SPAAR: variants seen among roughly 807,000 people sequenced by gnomAD.
The protein encoded by SPAAR is small regulatory polypeptide of amino acid response.
For synonymous variants in SPAAR, 27 were observed against 15.9 expected (o/e 1.70, Z -1.66); for missense variants, 59 against 39.9 (o/e 1.48, Z -1.29).
In SPAAR at chr9:35,910,372, C is replaced by T. The variant is rs770844921; in HGVS notation, c.-92C>T. The stretch of plus-strand genomic sequence containing the variant: ...TCTTAGGAGACGGAAGGAGAGCCGC[C>T]GGAGGAGCACGGGGCACCTGCGATC... On this transcript the variant is annotated 5_prime_UTR_variant, in exon 2 of 2. Coordinates refer to ENST00000443779, the MANE Select transcript of SPAAR (RefSeq NM_001348107.3). 64 of 685,978 alleles carry T rather than the reference C, an allele frequency of 9.3e-5. No individual in the cohort carries two copies. Among genetic ancestry groups the T allele is most frequent in the South Asian group, 8.4e-4 (54 of 64,268 alleles). 42.5% of individuals were successfully genotyped at this position (685,978 alleles called of 1,614,324 possible). A position where few individuals can be genotyped will look rare whatever the true frequency, so the allele number is the denominator to read the frequency against.
Position 35,910,505 on chromosome 9 carries a change from G to A in SPAAR, c.42G>A (p.Val14=). The change falls in exon 2 of 2, where the codon GTG becomes GTA. Residue 14 remains valine, a synonymous_variant. Transcript: ENST00000443779. Reference sequence around the variant, plus strand: ...TTGGGGTGGTGGTGGTGCTGTTCGTGGTGACTGTGGCCATCACCTGCGTCC... The same window carrying A: ...TTGGGGTGGTGGTGGTGCTGTTCGTAGTGACTGTGGCCATCACCTGCGTCC... The part of the protein sequence containing the change: ...AVIGVVVVLF[V]VTVAITCVLC... The A allele has an allele frequency of 1.4e-6, 1 of 703,036 alleles. No homozygotes were observed. 43.5% of individuals were successfully genotyped at this position (703,036 alleles called of 1,614,324 possible).
Position 35,910,621 on chromosome 9 carries a change from C to A in SPAAR, c.158C>A (p.Ser53Tyr), listed in dbSNP as rs1195030848. ...FTVATFRQEA[S>Y]LFTGPVRHAQ... The stretch of plus-strand genomic sequence containing the variant: ...GTGGCCACGTTTCGCCAGGAAGCTT[C>A]TCTCTTCACGGGGCCTGTTCGCCAT... Residue 53 changes from serine to tyrosine, a missense_variant, in exon 2 of 2, where the codon TCT becomes TAT. Transcript: ENST00000443779. The A allele has an allele frequency of 2.8e-6, 2 of 702,896 alleles. No homozygotes were observed. The highest frequency in any genetic ancestry group is 5.2e-6 in the Non-Finnish European group (2 of 385,008). The allele number at this position is 702,896 out of a possible 1,614,324, so 43.5% of individuals were successfully genotyped here.
In SPAAR at chr9:35,910,290, C is replaced by T. The variant is rs1042005317; in HGVS notation, c.-174C>T. On this transcript the variant is annotated 5_prime_UTR_variant, in exon 2 of 2. In the 5' UTR this introduces an upstream ATG that the reference lacks. Transcript: ENST00000443779. ...ATCTGAGATTTCAGCAGTGGGGCCA[C>T]GTGGCAGCGCCCGAAGGCCTGGAGC... is the stretch of plus-strand genomic sequence containing the variant. 5 of 607,032 alleles carry T rather than the reference C, an allele frequency of 8.2e-6. No individual in the cohort carries two copies. Among genetic ancestry groups the T allele is most frequent in the Non-Finnish European group, 1.5e-5 (5 of 341,446 alleles). The allele number at this position is 607,032 out of a possible 1,614,324, so 37.6% of individuals were successfully genotyped here. A position where few individuals can be genotyped will look rare whatever the true frequency, so the allele number is the denominator to read the frequency against.
chr9:35,909,575 G>T lies in SPAAR; in HGVS notation c.-308+11G>T. 1 of 152,458 alleles carries T rather than the reference G, an allele frequency of 6.6e-6. No individual in the cohort carries two copies. The highest frequency in any genetic ancestry group is 1.5e-5 in the Non-Finnish European group (1 of 68,144). 9.4% of individuals were successfully genotyped at this position (152,458 alleles called of 1,614,324 possible). A position where few individuals can be genotyped will look rare whatever the true frequency, so the allele number is the denominator to read the frequency against. On this transcript the variant is annotated intron_variant, in intron 1 of 1. Transcript: ENST00000443779. Reference sequence around the variant, plus strand: ...AGGCTGCAGCACCAGGTACAGCCAGGGCTGGCCTTTGGGGAGCCCAGGGTA... The same window carrying T: ...AGGCTGCAGCACCAGGTACAGCCAGTGCTGGCCTTTGGGGAGCCCAGGGTA...
chr9:35,910,972 C>A lies in SPAAR; in HGVS notation c.*281C>A. The A allele has an allele frequency of 8.1e-6, 2 of 247,442 alleles. No homozygotes were observed. The highest frequency in any genetic ancestry group is 7.3e-6 in the Non-Finnish European group (1 of 137,698). The allele number at this position is 247,442 out of a possible 1,614,324, so 15.3% of individuals were successfully genotyped here. ...CGCCGGAGTGCACGGTGGGCCGGCTCTGCTGATCTACACCAGGAACTGAAA... is the reference window on the plus strand; with the variant it reads ...CGCCGGAGTGCACGGTGGGCCGGCTATGCTGATCTACACCAGGAACTGAAA... On this transcript the variant is annotated 3_prime_UTR_variant, in exon 2 of 2. Coordinates refer to ENST00000443779, the MANE Select transcript of SPAAR (RefSeq NM_001348107.3).
In SPAAR at chr9:35,911,496, A is replaced by T. The variant is rs1008176061; in HGVS notation, c.*805A>T. 2.6e-5 allele frequency: 4 copies of T among 152,250 alleles called. No individual in the cohort carries two copies. Among genetic ancestry groups the T allele is most frequent in the African/African-American group, 9.6e-5 (4 of 41,464 alleles). The allele number at this position is 152,250 out of a possible 1,614,324, so 9.4% of individuals were successfully genotyped here. A position where few individuals can be genotyped will look rare whatever the true frequency, so the allele number is the denominator to read the frequency against. The stretch of plus-strand genomic sequence containing the variant: ...CAGGAACTGAAAGATAATTCCAGAC[A>T]AGTTAAAATGTTATGTTACATTCAA... On this transcript the variant is annotated 3_prime_UTR_variant, in exon 2 of 2. Coordinates refer to ENST00000443779, the MANE Select transcript of SPAAR (RefSeq NM_001348107.3).
chr9:35,911,295 G>C lies in SPAAR; in HGVS notation c.*604G>C, dbSNP rs1438240889. 3 of 152,212 alleles carry C rather than the reference G, an allele frequency of 2.0e-5. No homozygotes were observed. Among genetic ancestry groups the C allele is most frequent in the Non-Finnish European group, 2.9e-5 (2 of 68,028 alleles). 9.4% of individuals were successfully genotyped at this position (152,212 alleles called of 1,614,324 possible). On this transcript the variant is annotated 3_prime_UTR_variant, in exon 2 of 2. Transcript: ENST00000443779. Reference sequence around the variant, plus strand: ...AATCTGATTAGAAAAACCACAAAAGGAAACAGAAGAGAAAATAAGAGCCAC... The same window carrying C: ...AATCTGATTAGAAAAACCACAAAAGCAAACAGAAGAGAAAATAAGAGCCAC...
rs1189526347 is a variant in SPAAR, at chr9:35,910,707, G to A, written c.*16G>A. 4 of 677,906 alleles carry A rather than the reference G, an allele frequency of 5.9e-6. No homozygotes were observed. The highest frequency in any genetic ancestry group is 1.1e-5 in the Non-Finnish European group (4 of 371,640). 42.0% of individuals were successfully genotyped at this position (677,906 alleles called of 1,614,324 possible). Reference sequence around the variant, plus strand: ...CTTCATGTGACGCCCGAGTCCCCAGGATTTGCTGTGCTGATGGGTCAGACT... The same window carrying A: ...CTTCATGTGACGCCCGAGTCCCCAGAATTTGCTGTGCTGATGGGTCAGACT... On this transcript the variant is annotated 3_prime_UTR_variant, in exon 2 of 2. Transcript: ENST00000443779.
In SPAAR at chr9:35,910,948, G is replaced by A. The variant is rs10814297; in HGVS notation, c.*257G>A. The A allele has an allele frequency of 0.23, 102,853 of 446,080 alleles. 13,350 individuals are homozygous for A. Among genetic ancestry groups the A allele is most frequent in the Middle Eastern group, 0.37 (625 of 1,692 alleles). The allele number at this position is 446,080 out of a possible 1,614,324, so 27.6% of individuals were successfully genotyped here. The stretch of plus-strand genomic sequence containing the variant: ...TCTGAGGAGTGAGTGAACAGACAGC[G>A]CCGGAGTGCACGGTGGGCCGGCTCT... On this transcript the variant is annotated 3_prime_UTR_variant, in exon 2 of 2. Transcript: ENST00000443779.
rs1833149019 is a variant in SPAAR at position 35,910,206 on chromosome 9, A to G, written c.-258A>G. On this transcript the variant is annotated 5_prime_UTR_variant, in exon 2 of 2. It removes an upstream start codon present in the reference 5' UTR. Transcript: ENST00000443779. ...GACAGTGCTTCTTCTAGAAGCTGAC[A>G]TGGAGCTGACCACAGCTCTTGGAGG... 21 of 552,460 alleles carry G rather than the reference A, an allele frequency of 3.8e-5. 1 individual carries two copies. The South Asian group carries it at 4.0e-4, about 11-fold the overall frequency. The allele number at this position is 552,460 out of a possible 1,614,324, so 34.2% of individuals were successfully genotyped here.
rs1833148468 is a variant in SPAAR at position 35,910,149 on chromosome 9, G to A, written c.-307-8G>A. ...CTGACCCCTCCTCTCCACCTTCTCTGTGTCCAGGGAATCTGTGCTCACGTC... is the reference window on the plus strand; with the variant it reads ...CTGACCCCTCCTCTCCACCTTCTCTATGTCCAGGGAATCTGTGCTCACGTC... On this transcript the variant is annotated splice_polypyrimidine_tract_variant and splice_region_variant and intron_variant, in intron 1 of 1. Coordinates refer to ENST00000443779, the MANE Select transcript of SPAAR (RefSeq NM_001348107.3). 7.1e-6 allele frequency: 3 copies of A among 424,930 alleles called. No homozygotes were observed. The highest frequency in any genetic ancestry group is 1.3e-5 in the Non-Finnish European group (3 of 233,074). 26.3% of individuals were successfully genotyped at this position (424,930 alleles called of 1,614,324 possible).
chr9:35,910,608 C>A lies in SPAAR; in HGVS notation c.145C>A (p.Arg49Ser). Residue 49 changes from arginine to serine, a missense_variant, in exon 2 of 2, where the codon CGC becomes AGC. Arg to Ser is a moderately radical substitution (Grantham distance 110). Transcript: ENST00000443779. The part of the protein sequence containing the change: ...PGRSFTVATF[R>S]QEASLFTGPV... ...CCGCAGCTTCACGGTGGCCACGTTTCGCCAGGAAGCTTCTCTCTTCACGGG... is the reference window on the plus strand; with the variant it reads ...CCGCAGCTTCACGGTGGCCACGTTTAGCCAGGAAGCTTCTCTCTTCACGGG... 1.4e-6 allele frequency: 1 copy of A among 702,940 alleles called. No homozygotes were observed. Among genetic ancestry groups the A allele is most frequent in the East Asian group, 2.7e-5 (1 of 37,280 alleles). The allele number at this position is 702,940 out of a possible 1,614,324, so 43.5% of individuals were successfully genotyped here.
rs1164840385 is a variant in SPAAR, at chr9:35,910,801, C to G, written c.*110C>G. 2 of 609,988 alleles carry G rather than the reference C, an allele frequency of 3.3e-6. No homozygotes were observed. The highest frequency in any genetic ancestry group is 5.8e-6 in the Non-Finnish European group (2 of 342,198). 37.8% of individuals were successfully genotyped at this position (609,988 alleles called of 1,614,324 possible). A position where few individuals can be genotyped will look rare whatever the true frequency, so the allele number is the denominator to read the frequency against. ...AGGGCCTTCTCCCTGTCCTTCCCCT[C>G]CAGTAACCTGTGAACTTCCCGTCTC... On this transcript the variant is annotated 3_prime_UTR_variant, in exon 2 of 2. Transcript: ENST00000443779.
Position 35,910,570 on chromosome 9 carries a change from A to AG in SPAAR, c.113dup (p.Pro39SerfsTer77), listed in dbSNP as rs751884598. ...TGTGACTCAAGGGCCCAGGATCCTCAGGGGGGTCCTGGCCGCAGCTTCACG... is the reference window on the plus strand; with the variant it reads ...TGTGACTCAAGGGCCCAGGATCCTCAGGGGGGGTCCTGGCCGCAGCTTCACG... On this transcript the variant is annotated frameshift_variant, in exon 2 of 2. Transcript: ENST00000443779. LOFTEE classifies it low-confidence loss of function (END_TRUNC). 7.1e-6 allele frequency: 5 copies of AG among 702,314 alleles called. No individual in the cohort carries two copies. The highest frequency in any genetic ancestry group is 1.5e-5 in the South Asian group (1 of 67,530). The allele number at this position is 702,314 out of a possible 1,614,324, so 43.5% of individuals were successfully genotyped here.
intron 1 of SPAAR, 119 bp downstream of exon 1, chr9:35,909,683 TC>T (rs1833143527): frequency 2.0e-5 from 3 of 152,494 alleles, no homozygotes; most frequent in Non-Finnish European, 4.4e-5. Flanking sequence ...AGAAGGCTCT[TC>T]CGGGACCTCC....
chr9:35,910,364 A>T lies in SPAAR; in HGVS notation c.-100A>T, dbSNP rs1833151461. 1 of 677,734 alleles carries T rather than the reference A, an allele frequency of 1.5e-6. No individual in the cohort carries two copies. Among genetic ancestry groups the T allele is most frequent in the South Asian group, 1.6e-5 (1 of 62,512 alleles). 42.0% of individuals were successfully genotyped at this position (677,734 alleles called of 1,614,324 possible). A position where few individuals can be genotyped will look rare whatever the true frequency, so the allele number is the denominator to read the frequency against. On this transcript the variant is annotated 5_prime_UTR_variant, in exon 2 of 2. Coordinates refer to ENST00000443779, the MANE Select transcript of SPAAR (RefSeq NM_001348107.3). The stretch of plus-strand genomic sequence containing the variant: ...CAGCATCTTCTTAGGAGACGGAAGG[A>T]GAGCCGCCGGAGGAGCACGGGGCAC...
At position 35,910,968 on chromosome 9, in the gene SPAAR, G is replaced by A. The variant is rs1833160656; in HGVS notation, c.*277G>A. 7.5e-6 allele frequency: 3 copies of A among 400,634 alleles called. No individual in the cohort carries two copies. Among genetic ancestry groups the A allele is most frequent in the East Asian group, 4.2e-5 (1 of 24,012 alleles). The allele number at this position is 400,634 out of a possible 1,614,324, so 24.8% of individuals were successfully genotyped here. On this transcript the variant is annotated 3_prime_UTR_variant, in exon 2 of 2. Transcript: ENST00000443779. Reference sequence around the variant, plus strand: ...ACAGCGCCGGAGTGCACGGTGGGCCGGCTCTGCTGATCTACACCAGGAACT... The same window carrying A: ...ACAGCGCCGGAGTGCACGGTGGGCCAGCTCTGCTGATCTACACCAGGAACT...
At position 35,910,298 on chromosome 9, in the gene SPAAR, C is replaced by T. The variant is rs567261418; in HGVS notation, c.-166C>T. ...TTTCAGCAGTGGGGCCACGTGGCAGCGCCCGAAGGCCTGGAGCAGGAGCGA... is the reference window on the plus strand; with the variant it reads ...TTTCAGCAGTGGGGCCACGTGGCAGTGCCCGAAGGCCTGGAGCAGGAGCGA... On this transcript the variant is annotated 5_prime_UTR_variant, in exon 2 of 2. Transcript: ENST00000443779. 33 of 607,888 alleles carry T rather than the reference C, an allele frequency of 5.4e-5. No individual in the cohort carries two copies. Among genetic ancestry groups the T allele is most frequent in the Middle Eastern group, 4.3e-4 (1 of 2,316 alleles). The allele number at this position is 607,888 out of a possible 1,614,324, so 37.7% of individuals were successfully genotyped here.
Position 35,910,971 on chromosome 9 carries a change from T to TA in SPAAR, c.*280_*281insA. 6 of 224,784 alleles carry TA rather than the reference T, an allele frequency of 2.7e-5. No homozygotes were observed. The South Asian group carries it at 6.2e-4, about 23-fold the overall frequency. The allele number at this position is 224,784 out of a possible 1,614,324, so 13.9% of individuals were successfully genotyped here. A position where few individuals can be genotyped will look rare whatever the true frequency, so the allele number is the denominator to read the frequency against. On this transcript the variant is annotated 3_prime_UTR_variant, in exon 2 of 2. Coordinates refer to ENST00000443779, the MANE Select transcript of SPAAR (RefSeq NM_001348107.3). ...GCGCCGGAGTGCACGGTGGGCCGGC[T>TA]CTGCTGATCTACACCAGGAACTGAA...
Sources: allele counts gnomAD v4.1 joint callset, GRCh38; gene constraint gnomAD v4.1.1; transcripts MANE v1.5; gene names NCBI Gene and HGNC (gene_info 2026-07-23, HGNC 2026-07-21).